SPTLC2: variants seen among roughly 807,000 people sequenced by gnomAD.
SPTLC2 encodes the protein serine palmitoyltransferase 2.
SPTLC2 carries 21 observed loss-of-function variants against 62.0 expected under a neutral mutation model. That is an observed-to-expected ratio of 0.34 (90% confidence interval 0.24 to 0.49). The LOEUF (loss-of-function observed/expected upper bound fraction) is 0.49. Among genes scored for constraint, SPTLC2 ranks in the 20% least tolerant of loss-of-function variants. The probability of loss-of-function intolerance (pLI) is 0.99; values close to 1 mark genes in which losing one functional copy is unlikely to be tolerated. For missense variants in SPTLC2, 511 were observed against 713.0 expected (o/e 0.72, Z 3.23); for synonymous variants, 261 against 261.8 (o/e 1.00, Z 0.03).
chr14:77,518,516 G>A lies in SPTLC2; in HGVS notation c.1440-349C>T, dbSNP rs576379759. 1.7e-4 allele frequency among the ~76,000 whole-genome samples: 25 copies of A among 150,228 alleles called. No homozygotes were observed. The Middle Eastern group carries it at 0.01, about 63-fold the overall frequency. On this transcript the variant is annotated intron_variant, in intron 10 of 11. Transcript: ENST00000216484. ...GGAGGCTGAGGCATGAGAATCTCTCGAAGCTTGGAGGCAGAAGCTGTAGTA... is the reference window on the plus strand; with the variant it reads ...GGAGGCTGAGGCATGAGAATCTCTCAAAGCTTGGAGGCAGAAGCTGTAGTA...
intron 2 of SPTLC2, among the ~76,000 whole-genome samples, chr14:77,590,334 A>G (rs1339575920): frequency 6.6e-6 from 1 of 152,262 alleles, no homozygotes; most frequent in South Asian, 2.1e-4. Flanking sequence ...AGCACTCTAT[A>G]GTACAGAGTA....
At chr14:77,599,410 ACAAT>A (rs1405381807) in intron 1 of SPTLC2, among the ~76,000 whole-genome samples, 1 of 152,252 alleles carries the variant, frequency 6.6e-6, no homozygotes, top group Non-Finnish European at 1.5e-5. Context: ...ACATAACTAT[ACAAT>A]CAATTGTTAT....
In SPTLC2 at chr14:77,544,090, T is replaced by C. The variant is rs138849434; in HGVS notation, c.1303+8006A>G. ...TCATCCAAGCTGGAATGCAGTGGTG[T>C]GATCATAGCTGGGTTTGTGCAATCC... On this transcript the variant is annotated intron_variant, in intron 9 of 11. Coordinates refer to ENST00000216484, the MANE Select transcript of SPTLC2 (RefSeq NM_004863.4). 7.2e-3 allele frequency among the ~76,000 whole-genome samples: 1,096 copies of C among 152,222 alleles called. 2 individuals are homozygous for C. The highest frequency in any genetic ancestry group is 0.012 in the Non-Finnish European group (831 of 68,006).
intron 5 of SPTLC2, among the ~76,000 whole-genome samples, chr14:77,566,468 G>A (rs558924855): frequency 6.6e-6 from 1 of 152,280 alleles, no homozygotes; most frequent in South Asian, 2.1e-4. Context: ...AAGGTCACAA[G>A]CACAGTAACA....
Position 77,576,748 on chromosome 14 carries a change from A to C in SPTLC2, c.631+19T>G, listed in dbSNP as rs1420410648. On this transcript the variant is annotated intron_variant, in intron 4 of 11. Coordinates refer to ENST00000216484, the MANE Select transcript of SPTLC2 (RefSeq NM_004863.4). ...ACAATGTCAAAAACAGCAGCTGGCCAAATACAGCTTTCACTTACCAATTTC... is the reference window on the plus strand; with the variant it reads ...ACAATGTCAAAAACAGCAGCTGGCCCAATACAGCTTTCACTTACCAATTTC... 1 of 1,614,184 alleles carries C rather than the reference A, an allele frequency of 6.2e-7. No homozygotes were observed. The highest frequency in any genetic ancestry group is 8.5e-7 in the Non-Finnish European group (1 of 1,180,028).
chr14:77,533,236 G>C (rs1415966098), intron 9 of SPTLC2, among the ~76,000 whole-genome samples: 1 of 150,138 alleles, frequency 6.7e-6, no homozygotes, highest in African/African-American at 2.5e-5. Flanking sequence ...GGAGGCAGAG[G>C]TTGCAGTGAG....
In SPTLC2 at chr14:77,597,352, A is replaced by G. The variant is rs1803505662; in HGVS notation, c.161T>C (p.Leu54Pro). The G allele has an allele frequency of 1.1e-5, 18 of 1,614,194 alleles. No homozygotes were observed. The highest frequency in any genetic ancestry group is 1.5e-5 in the Non-Finnish European group (18 of 1,180,004). Residue 54 changes from leucine (L) to proline (P), a missense_variant, in exon 2 of 12, where the codon CTA becomes CCA. Leu to Pro is a moderately conservative substitution (Grantham distance 98, BLOSUM62 -3). Transcript: ENST00000216484. ...AGCTTCATTAAACGGTCTTTTATAT[A>G]GTCCTCCATTTTGTGTAACATGATG... ...QIHHVTQNGGLYKRPFNEAFE... is the reference protein window; with the variant it reads ...QIHHVTQNGGPYKRPFNEAFE...
At chr14:77,520,426 G>A (rs890688815) in intron 10 of SPTLC2, among the ~76,000 whole-genome samples, 8 of 152,010 alleles carry the variant, frequency 5.3e-5, no homozygotes, top group African/African-American at 1.9e-4. Flanking sequence ...ACTGAGTGTC[G>A]GAGACTGTGG....
Position 77,509,456 on chromosome 14 carries a change from TAA to T in SPTLC2, c.*2826_*2827del, listed in dbSNP as rs932831231. 6.4e-6 allele frequency: 1 copy of T among 156,762 alleles called. No homozygotes were observed. Among genetic ancestry groups the T allele is most frequent in the African/African-American group, 2.4e-5 (1 of 41,662 alleles). The allele number at this position is 156,762 out of a possible 1,614,324, so 9.7% of individuals were successfully genotyped here. ...TGAAATAGGTAACAGCAATGCTGAA[TAA>T]AAAGAGGAATGAGAAAAAGTGCTAA... On this transcript the variant is annotated 3_prime_UTR_variant, in exon 12 of 12. Coordinates refer to ENST00000216484, the MANE Select transcript of SPTLC2 (RefSeq NM_004863.4).
At chr14:77,516,183 G>A (rs1458775885) in intron 11 of SPTLC2, among the ~76,000 whole-genome samples, 4 of 152,094 alleles carry the variant, frequency 2.6e-5, no homozygotes, top group Non-Finnish European at 4.4e-5. Flanking sequence ...TTCAAAAAAT[G>A]CACTTTATGC....
intron 6 of SPTLC2, among the ~76,000 whole-genome samples, chr14:77,558,247 T>C (rs953672580): frequency 6.6e-6 from 1 of 152,120 alleles, no homozygotes; most frequent in Non-Finnish European, 1.5e-5. Context: ...GGTTTCACCA[T>C]GTTGGCCAGG....
At position 77,579,002 on chromosome 14, in the gene SPTLC2, C is replaced by A. The variant is rs749262868; in HGVS notation, c.435G>T (p.Arg145Ser). 11 of 1,614,054 alleles carry A rather than the reference C, an allele frequency of 6.8e-6. No individual in the cohort carries two copies. The East Asian group carries it at 2.5e-4, about 36-fold the overall frequency. Reference protein sequence around the residue: ...NRPICSVPGARVDIMERQSHD... With the variant: ...NRPICSVPGASVDIMERQSHD... ...GAGACTGTCTCTCCATGATGTCCAC[C>A]CTGGCTCCAGGCACACTACAGATTG... Residue 145 changes from arginine to serine, a missense_variant, in exon 3 of 12, where the codon AGG (arginine) becomes AGT (serine). By Grantham distance (110) the Arg-to-Ser change is moderately radical. Coordinates refer to ENST00000216484, the MANE Select transcript of SPTLC2 (RefSeq NM_004863.4).
chr14:77,576,598 A>C (rs2079717139), intron 4 of SPTLC2, among the ~76,000 whole-genome samples, 169 bp downstream of exon 4: 1 of 152,222 alleles, frequency 6.6e-6, no homozygotes, highest in African/African-American at 2.4e-5. Flanking sequence ...AATGTGTTGA[A>C]AGCATTGAAA....
At chr14:77,595,264 C>G (rs1595012048) in intron 2 of SPTLC2, among the ~76,000 whole-genome samples, 1 of 152,116 alleles carries the variant, frequency 6.6e-6, no homozygotes, top group East Asian at 1.9e-4. Context: ...ACTTGGGAAG[C>G]TGAGGCATGA....
chr14:77,540,795 G>T (rs909829793), intron 9 of SPTLC2, among the ~76,000 whole-genome samples: 5 of 152,128 alleles, frequency 3.3e-5, no homozygotes, highest in African/African-American at 1.2e-4. Context: ...TTTAAAGGTA[G>T]ATCTCTCTCA....
chr14:77,583,813 G>C (rs2079766724), intron 2 of SPTLC2, among the ~76,000 whole-genome samples: 1 of 152,176 alleles, frequency 6.6e-6, no homozygotes, highest in Admixed American at 6.6e-5. Flanking sequence ...CTATAAAAGA[G>C]TGTTTGTCCA....
intron 6 of SPTLC2, among the ~76,000 whole-genome samples, chr14:77,560,471 C>T (rs758709006): frequency 1.1e-4 from 16 of 151,778 alleles, no homozygotes; most frequent in Non-Finnish European, 1.3e-4. Context: ...AAAACTTGGC[C>T]GGGCGTGGTG....
intron 6 of SPTLC2, among the ~76,000 whole-genome samples, chr14:77,561,693 GACAAAA>G (rs906956010): frequency 3.2e-4 from 49 of 151,322 alleles, no homozygotes; most frequent in African/African-American, 9.5e-4. Context: ...TTTTAGACAA[GACAAAA>G]ACAAAAACAA....
chr14:77,609,039 C>A (rs1321845864), intron 1 of SPTLC2, among the ~76,000 whole-genome samples: 1 of 151,736 alleles, frequency 6.6e-6, no homozygotes, highest in Non-Finnish European at 1.5e-5. Flanking sequence ...AAAGCAGTGA[C>A]CTGGCAGGAT....
Sources: gnomAD v4.1 joint callset for allele counts (sites outside exome capture counted in the v4.1 genomes callset) on GRCh38, gnomAD v4.1.1 for gene constraint, MANE v1.5 for transcripts, NCBI Gene and HGNC (gene_info 2026-07-23, HGNC 2026-07-21) for gene names.